The following UBR3 variants were observed in gnomAD, a reference collection of about 807,000 sequenced individuals.
The protein encoded by UBR3 is ubiquitin protein ligase E3 component n-recognin 3, also known as E3 ubiquitin-protein ligase UBR3.
In UBR3, 85 loss-of-function variants were observed where a neutral mutation model predicts 243.2. That is an observed-to-expected ratio of 0.35 (90% CI 0.29 to 0.42). The LOEUF is 0.42. Among genes scored for constraint, UBR3 ranks in the 10% least tolerant of loss-of-function variants. UBR3 has a pLI of 1.00. For synonymous variants in UBR3, 748 were observed against 799.8 expected (o/e 0.94, Z 1.09); for missense variants, 1,686 against 2,300.8 (o/e 0.73, Z 5.47).
chr2:169,872,437 TATTA>T (rs1221890971), intron 2 of UBR3, 62 bp downstream of exon 2: 3 of 1,236,700 alleles, frequency 2.4e-6, no homozygotes, highest in South Asian at 1.7e-5. Flanking sequence ...AAAGTTTTAG[TATTA>T]ATTATGAGGT....
At chr2:169,968,451 T>C (rs370775931) in intron 24 of UBR3, among the ~76,000 whole-genome samples, 1 of 152,202 alleles carries the variant, frequency 6.6e-6, no homozygotes, top group Non-Finnish European at 1.5e-5. Context: ...AAGTGATATT[T>C]GTCTTTCTGT....
chr2:169,910,832 C>G (rs747184927), intron 10 of UBR3, among the ~76,000 whole-genome samples: 1 of 152,108 alleles, frequency 6.6e-6, no homozygotes, highest in Non-Finnish European at 1.5e-5. Flanking sequence ...GCAAATTTAT[C>G]TAATTTAAAA....
intron 24 of UBR3, among the ~76,000 whole-genome samples, chr2:169,969,456 A>G (rs2087983046): frequency 6.6e-6 from 1 of 152,004 alleles, no homozygotes; most frequent in Non-Finnish European, 1.5e-5. Context: ...TCTTTTCCCC[A>G]GCACTGAATG....
chr2:169,976,092 G>A (rs2088426014), intron 24 of UBR3, among the ~76,000 whole-genome samples: 2 of 141,500 alleles, frequency 1.4e-5, no homozygotes, highest in Non-Finnish European at 3.2e-5. Context: ...CTTGTAGGCA[G>A]CATATAGTTG....
intron 33 of UBR3, among the ~76,000 whole-genome samples, chr2:170,059,749 G>A (rs1194273757): frequency 6.6e-6 from 1 of 152,002 alleles, no homozygotes. Context: ...ATACTACATG[G>A]CTGAGTGAAT....
At chr2:169,916,538 C>T (rs1344983024) in intron 11 of UBR3, among the ~76,000 whole-genome samples, 1 of 152,042 alleles carries the variant, frequency 6.6e-6, no homozygotes, top group Non-Finnish European at 1.5e-5. Context: ...CCCTGTTCAC[C>T]CTCTTCGTGC....
At chr2:169,967,824 T>C (rs1308542136) in intron 24 of UBR3, among the ~76,000 whole-genome samples, 1 of 152,036 alleles carries the variant, frequency 6.6e-6, no homozygotes, top group Non-Finnish European at 1.5e-5. Flanking sequence ...CTTTGTGTGC[T>C]ACCATTTATA....
chr2:170,046,088 T>C (rs2105435800), intron 32 of UBR3, among the ~76,000 whole-genome samples: 1 of 151,728 alleles, frequency 6.6e-6, no homozygotes, highest in South Asian at 2.1e-4. Context: ...TGCCTCAGCT[T>C]CCCAAGTAGC....
intron 8 of UBR3, 65 bp from the exon 9 acceptor site, chr2:169,905,049 T>C: frequency 7.5e-7 from 1 of 1,327,684 alleles, no homozygotes; most frequent in Admixed American, 3.3e-5. Flanking sequence ...ATATATTCTG[T>C]ATTATTGGTT....
intron 18 of UBR3, among the ~76,000 whole-genome samples, chr2:169,929,403 G>A (rs937726372): frequency 1.3e-5 from 2 of 151,930 alleles, no homozygotes; most frequent in African/African-American, 2.4e-5. Context: ...GATGAAACCC[G>A]TCTCTATTAA....
intron 1 of UBR3, among the ~76,000 whole-genome samples, chr2:169,852,973 G>T (rs1305709594): frequency 6.6e-6 from 1 of 150,992 alleles, no homozygotes; most frequent in African/African-American, 2.4e-5. Context: ...TAGCAAACGT[G>T]TGTATGAATA....
intron 30 of UBR3, among the ~76,000 whole-genome samples, chr2:170,023,624 G>A (rs1412215517): frequency 1.3e-5 from 2 of 151,078 alleles, no homozygotes; most frequent in African/African-American, 4.9e-5. Flanking sequence ...ACGGAGTCTT[G>A]CTCTGTCACC....
chr2:170,045,730 C>CTTGT (rs2091068129), intron 32 of UBR3, among the ~76,000 whole-genome samples: 1 of 152,062 alleles, frequency 6.6e-6, no homozygotes, highest in South Asian at 2.1e-4. Context: ...CATGGCCAGT[C>CTTGT]TTGTTTCATT....
At position 170,029,327 on chromosome 2, in the gene UBR3, T is replaced by C; in HGVS notation, c.4454-19T>C. On this transcript the variant is annotated intron_variant, in intron 30 of 38. Coordinates refer to ENST00000272793, the MANE Select transcript of UBR3 (RefSeq NM_172070.4). ...CAAATGTGTGAACTTTCTAATTACC[T>C]TTTCTTCAATTTTTTCAGATCAGCT... 6.3e-7 allele frequency: 1 copy of C among 1,579,134 alleles called. No individual in the cohort carries two copies. Among genetic ancestry groups the C allele is most frequent in the Non-Finnish European group, 8.6e-7 (1 of 1,165,350 alleles).
intron 24 of UBR3, chr2:169,964,388 A>C (rs1380602116): frequency 2.1e-6 from 1 of 468,822 alleles, no homozygotes; most frequent in East Asian, 7.0e-5. Flanking sequence ...CTTTCCACTC[A>C]CAAGTGAGAC....
At chr2:170,048,306 G>A (rs1316688022) in intron 32 of UBR3, among the ~76,000 whole-genome samples, 2 of 152,162 alleles carry the variant, frequency 1.3e-5, no homozygotes, top group African/African-American at 2.4e-5. Context: ...GATTCATGGA[G>A]GAAGTTCAGT....
Position 169,905,308 on chromosome 2 carries a change from C to T in UBR3, c.1645+15C>T. On this transcript the variant is annotated intron_variant, in intron 9 of 38. Coordinates refer to ENST00000272793, the MANE Select transcript of UBR3 (RefSeq NM_172070.4). The stretch of plus-strand genomic sequence containing the variant: ...TTTCTTTCAAGGTATGAATTTTATC[C>T]CTTTGTTAATTTTTTGGTTTACAAA... 3 of 1,447,710 alleles carry T rather than the reference C, an allele frequency of 2.1e-6. No individual in the cohort carries two copies. Among genetic ancestry groups the T allele is most frequent in the Non-Finnish European group, 2.7e-6 (3 of 1,098,796 alleles). 89.7% of individuals were successfully genotyped at this position (1,447,710 alleles called of 1,614,324 possible). A position where few individuals can be genotyped will look rare whatever the true frequency, so the allele number is the denominator to read the frequency against.
intron 1 of UBR3, among the ~76,000 whole-genome samples, chr2:169,833,841 G>C (rs1391056045): frequency 6.6e-6 from 1 of 151,726 alleles, no homozygotes. Flanking sequence ...GAGTGCAGTG[G>C]TGTGATATCA....
intron 37 of UBR3, 51 bp from the exon 38 acceptor site, chr2:170,080,494 T>G: frequency 6.7e-7 from 1 of 1,482,824 alleles, no homozygotes; most frequent in Admixed American, 2.2e-5. Context: ...TTGATTTTAT[T>G]ATAAAGCCTA....
Sources: allele counts gnomAD v4.1 joint callset (sites outside exome capture counted in the v4.1 genomes callset), GRCh38; gene constraint gnomAD v4.1.1; transcripts MANE v1.5; gene names NCBI Gene and HGNC (gene_info 2026-07-23, HGNC 2026-07-21).